Variants in CORIN observed in about 807,000 individuals in gnomAD.
CORIN encodes the protein atrial natriuretic peptide-converting enzyme.
In CORIN, 117 loss-of-function variants were observed where a neutral mutation model predicts 125.3. The ratio of observed to expected loss-of-function variants is 0.93; its 90% CI spans 0.80 to 1.09. The LOEUF is 1.09. Ranked by LOEUF, CORIN falls within the 50% of genes least tolerant of loss-of-function variation. The pLI is 0.00. For missense variants in CORIN, 1,253 were observed against 1,306.7 expected, an observed-to-expected ratio of 0.96 and a Z score of 0.63; for synonymous variants, 450 against 466.4, an observed-to-expected ratio of 0.96 and a Z score of 0.45.
chr4:47,831,297 C>A (rs1175264688), intron 1 of CORIN: 1 of 152,248 alleles, frequency 6.6e-6, no homozygotes, highest in African/African-American at 2.4e-5. Flanking sequence ...TGCCAGCAGG[C>A]AGAAGGGAAG....
intron 4 of CORIN, among the ~76,000 whole-genome samples, chr4:47,758,077 C>T (rs577908245): frequency 2.0e-5 from 3 of 151,626 alleles, no homozygotes; most frequent in Non-Finnish European, 2.9e-5. Flanking sequence ...CTATGCCTGG[C>T]TAATTTTTTT....
intron 16 of CORIN, among the ~76,000 whole-genome samples, chr4:47,633,933 T>G (rs1722930784): frequency 6.6e-6 from 1 of 152,164 alleles, no homozygotes; most frequent in Non-Finnish European, 1.5e-5. Context: ...ACTTTTCACT[T>G]CAAAGTTTTA....
At chr4:47,734,538 C>T (rs912605937) in intron 5 of CORIN, among the ~76,000 whole-genome samples, 26 of 152,336 alleles carry the variant, frequency 1.7e-4, no homozygotes, top group African/African-American at 5.3e-4. Context: ...TTCTGTATCA[C>T]AGCATATTTA....
At chr4:47,609,179 C>T (rs1343683057) in intron 19 of CORIN, among the ~76,000 whole-genome samples, 3 of 152,124 alleles carry the variant, frequency 2.0e-5, no homozygotes, top group Non-Finnish European at 4.4e-5. Context: ...TGCTGTTCTA[C>T]AAATCTTAGG....
At chr4:47,687,797 G>A (rs771016031) in intron 6 of CORIN, among the ~76,000 whole-genome samples, 5 of 152,084 alleles carry the variant, frequency 3.3e-5, no homozygotes, top group African/African-American at 7.2e-5. Context: ...GGAGTTAGAC[G>A]GTCTGTCCAC....
At chr4:47,637,232 G>C (rs370383070) in intron 16 of CORIN, among the ~76,000 whole-genome samples, 1 of 152,200 alleles carries the variant, frequency 6.6e-6, no homozygotes, top group East Asian at 1.9e-4. Flanking sequence ...GGTGACTTGG[G>C]TGCTGTTAAA....
intron 4 of CORIN, among the ~76,000 whole-genome samples, chr4:47,745,861 C>A (rs1728640785): frequency 6.6e-6 from 1 of 152,172 alleles, no homozygotes; most frequent in Admixed American, 6.5e-5. Context: ...AAAGGGAATT[C>A]AACAATTACA....
intron 2 of CORIN, among the ~76,000 whole-genome samples, chr4:47,793,241 T>C (rs1214801240): frequency 6.6e-6 from 1 of 152,146 alleles, no homozygotes. Flanking sequence ...GTCTGTCCCA[T>C]GCATCTATAC....
At chr4:47,675,662 T>C (rs902168688) in intron 9 of CORIN, among the ~76,000 whole-genome samples, 1 of 152,228 alleles carries the variant, frequency 6.6e-6, no homozygotes, top group Admixed American at 6.5e-5. Context: ...GCTTGTGCTC[T>C]GATAGAGGTA....
intron 3 of CORIN, among the ~76,000 whole-genome samples, chr4:47,769,095 T>A (rs938862229): frequency 1.3e-5 from 2 of 152,296 alleles, no homozygotes; most frequent in South Asian, 2.1e-4. Context: ...AGGAAACCTG[T>A]TAGAATAAGC....
Position 47,627,333 on chromosome 4 carries a change from C to A in CORIN, c.2199-812G>T, listed in dbSNP as rs1380268359. ...TTGTAATCACATAATAGAAAATGGA[C>A]AAAAACTTCCCCTAACTCATACTTT... On this transcript the variant is annotated intron_variant, in intron 16 of 21. Transcript: ENST00000273857. 2.2e-5 allele frequency among the ~76,000 whole-genome samples: 3 copies of A among 138,314 alleles called. No individual in the cohort carries two copies. In the East Asian group the frequency reaches 5.8e-4, roughly 27 times the overall value. The allele number at this position is 138,314 out of a possible 152,430, so 90.7% of individuals were successfully genotyped here. A position where few individuals can be genotyped will look rare whatever the true frequency, so the allele number is the denominator to read the frequency against.
Position 47,723,793 on chromosome 4 carries a change from G to A in CORIN, c.799+20609C>T, listed in dbSNP as rs558925935. 1.3e-3 allele frequency among the ~76,000 whole-genome samples: 194 copies of A among 151,916 alleles called. 1 individual carries two copies. Among genetic ancestry groups the A allele is most frequent in the Non-Finnish European group, 2.1e-3 (143 of 67,938 alleles). Reference sequence around the variant, plus strand: ...GTCAGGATCACAAGGTCAGGAAATCGAGACCATCCTGGCTAACACGGTGAA... The same window carrying A: ...GTCAGGATCACAAGGTCAGGAAATCAAGACCATCCTGGCTAACACGGTGAA... On this transcript the variant is annotated intron_variant, in intron 5 of 21. Transcript: ENST00000273857.
rs190359876 is a variant in CORIN at position 47,684,093 on chromosome 4, C to T, written c.914-255G>A. 2.2e-4 allele frequency among the ~76,000 whole-genome samples: 33 copies of T among 152,274 alleles called. No homozygotes were observed. The East Asian group carries it at 2.5e-3, about 12-fold the overall frequency. ...TGACTTCTATTTTATGTCACCTGAA[C>T]GATCCTTGATTGTTAAAGATGAGAA... On this transcript the variant is annotated intron_variant, in intron 6 of 21. Coordinates refer to ENST00000273857, the MANE Select transcript of CORIN (RefSeq NM_006587.4).
intron 3 of CORIN, among the ~76,000 whole-genome samples, chr4:47,772,686 AAAT>A (rs1439943347): frequency 1.3e-5 from 2 of 152,222 alleles, no homozygotes; most frequent in African/African-American, 4.8e-5. Context: ...TGTAAAATGG[AAAT>A]AATAATAACT....
At chr4:47,611,658 C>T (rs1721874779) in intron 19 of CORIN, among the ~76,000 whole-genome samples, 1 of 152,168 alleles carries the variant, frequency 6.6e-6, no homozygotes. Context: ...GAGAGGGCAT[C>T]CTTGTCTTGT....
At chr4:47,649,023 T>C (rs1045781706) in intron 13 of CORIN, among the ~76,000 whole-genome samples, 5 of 152,170 alleles carry the variant, frequency 3.3e-5, no homozygotes, top group African/African-American at 1.2e-4. Flanking sequence ...ACAGAGGACC[T>C]GCTTCCCACT....
Position 47,603,284 on chromosome 4 carries a change from G to A in CORIN, c.2812+113C>T, listed in dbSNP as rs1721518502. On this transcript the variant is annotated intron_variant, in intron 20 of 21. Coordinates refer to ENST00000273857, the MANE Select transcript of CORIN (RefSeq NM_006587.4). The stretch of plus-strand genomic sequence containing the variant: ...CCGCCATGATTGTAGGTTTCCTGAG[G>A]CCTCCCCATCCCTGCAGAACTGTGA... 3 of 1,089,698 alleles carry A rather than the reference G, an allele frequency of 2.8e-6. No individual in the cohort carries two copies. In the East Asian group the frequency reaches 7.3e-5, roughly 27 times the overall value. The allele number at this position is 1,089,698 out of a possible 1,614,324, so 67.5% of individuals were successfully genotyped here. A position where few individuals can be genotyped will look rare whatever the true frequency, so the allele number is the denominator to read the frequency against.
chr4:47,716,531 T>C (rs944924425), intron 5 of CORIN, among the ~76,000 whole-genome samples: 2 of 152,200 alleles, frequency 1.3e-5, no homozygotes, highest in African/African-American at 4.8e-5. Flanking sequence ...CACAGTATCA[T>C]TGTCTGTTTT....
chr4:47,820,806 A>G (rs998968264), intron 1 of CORIN, among the ~76,000 whole-genome samples: 2 of 150,400 alleles, frequency 1.3e-5, no homozygotes, highest in Non-Finnish European at 2.9e-5. Flanking sequence ...ACGAACTATC[A>G]AGGGAAAAAT....
Sources: allele counts gnomAD v4.1 joint callset (sites outside exome capture counted in the v4.1 genomes callset), GRCh38; gene constraint gnomAD v4.1.1; transcripts MANE v1.5; gene names NCBI Gene and HGNC (gene_info 2026-07-23, HGNC 2026-07-21).